The following PRKCA variants were observed in gnomAD, a reference collection of about 807,000 sequenced individuals.
The protein encoded by PRKCA is protein kinase C alpha, also known as protein kinase C alpha type.
Under a neutral mutation model 87.0 loss-of-function variants are expected in PRKCA, and 27 were observed. That is an observed-to-expected ratio of 0.31 (90% CI 0.23 to 0.43). The LOEUF is 0.43. Ranked by LOEUF, PRKCA falls within the 20% of genes least tolerant of loss-of-function variation. PRKCA has a pLI of 1.00. For synonymous variants in PRKCA, 329 were observed against 311.1 expected (o/e 1.06, Z -0.61); for missense variants, 518 against 852.3 (o/e 0.61, Z 4.88).
chr17:66,570,519 G>A (rs1969047861), intron 3 of PRKCA, among the ~76,000 whole-genome samples: 1 of 152,190 alleles, frequency 6.6e-6, no homozygotes, highest in Non-Finnish European at 1.5e-5. Context: ...GCAGCGTGTT[G>A]CTACTGTCTG....
intron 3 of PRKCA, among the ~76,000 whole-genome samples, chr17:66,524,700 T>C (rs547081109): frequency 3.0e-4 from 46 of 152,216 alleles, no homozygotes; most frequent in African/African-American, 1.1e-3. Context: ...AGCAGACAAA[T>C]CTCTGTGCTC....
rs142572671 is a variant in PRKCA, at chr17:66,319,975, C to T, written c.205+13848C>T. The stretch of plus-strand genomic sequence containing the variant: ...GCCAGGCTGGTCTTGAACACCTGAC[C>T]TCAAGTGATCTGCCACACTTCAGCC... On this transcript the variant is annotated intron_variant, in intron 2 of 16. Coordinates refer to ENST00000413366, the MANE Select transcript of PRKCA (RefSeq NM_002737.3). Among the ~76,000 whole-genome samples, 776 of 152,236 alleles carry T rather than the reference C, an allele frequency of 5.1e-3. 4 individuals carry two copies. The highest frequency in any genetic ancestry group is 7.0e-3 in the Non-Finnish European group (474 of 68,024).
intron 2 of PRKCA, among the ~76,000 whole-genome samples, chr17:66,457,065 G>A (rs1236527398): frequency 6.6e-6 from 1 of 152,182 alleles, no homozygotes; most frequent in Non-Finnish European, 1.5e-5. Flanking sequence ...TGCTTGGCAT[G>A]ATTAGGATGG....
intron 3 of PRKCA, among the ~76,000 whole-genome samples, chr17:66,569,882 A>G (rs1431489167): frequency 1.7e-4 from 26 of 152,236 alleles, no homozygotes; most frequent in Non-Finnish European, 1.5e-5. Context: ...CCTGTCAGAC[A>G]GCAATTCTTC....
At chr17:66,469,986 C>G (rs1001592564) in intron 2 of PRKCA, among the ~76,000 whole-genome samples, 2 of 151,998 alleles carry the variant, frequency 1.3e-5, no homozygotes, top group Admixed American at 6.6e-5. Flanking sequence ...GAAAGTTAAC[C>G]CTTCCAAGGG....
chr17:66,680,138 C>T lies in PRKCA; in HGVS notation c.530-6973C>T, dbSNP rs1165555229. 4.6e-5 allele frequency among the ~76,000 whole-genome samples: 7 copies of T among 152,312 alleles called. No individual in the cohort carries two copies. The East Asian group carries it at 1.2e-3, about 25-fold the overall frequency. On this transcript the variant is annotated intron_variant, in intron 5 of 16. Coordinates refer to ENST00000413366, the MANE Select transcript of PRKCA (RefSeq NM_002737.3). ...TCTTTTGACCACAGACACTAAATCT[C>T]GCCTGTTTCCAGCACTTACCTGCCC...
chr17:66,547,323 A>T (rs1369344292), intron 3 of PRKCA, among the ~76,000 whole-genome samples: 1 of 152,132 alleles, frequency 6.6e-6, no homozygotes, highest in Non-Finnish European at 1.5e-5. Flanking sequence ...GTGCCCTGCT[A>T]TGGATGACAC....
At chr17:66,436,200 G>A (rs1040501702) in intron 2 of PRKCA, among the ~76,000 whole-genome samples, 7 of 152,198 alleles carry the variant, frequency 4.6e-5, no homozygotes, top group Non-Finnish European at 8.8e-5. Context: ...TGGCATTGAT[G>A]TTGAATGAAA....
At chr17:66,625,834 C>T (rs1260681778) in intron 3 of PRKCA, among the ~76,000 whole-genome samples, 1 of 152,180 alleles carries the variant, frequency 6.6e-6, no homozygotes, top group African/African-American at 2.4e-5. Context: ...ACTTAACTAT[C>T]CATGGCTTCA....
chr17:66,611,390 T>C (rs1329627863), intron 3 of PRKCA, among the ~76,000 whole-genome samples: 1 of 152,212 alleles, frequency 6.6e-6, no homozygotes, highest in Non-Finnish European at 1.5e-5. Flanking sequence ...AATCTACTTT[T>C]TGTCTCTATG....
Position 66,371,564 on chromosome 17 carries a change from G to GT in PRKCA, c.205+65444dup, listed in dbSNP as rs565071089. 1.7e-4 allele frequency among the ~76,000 whole-genome samples: 26 copies of GT among 152,254 alleles called. No homozygotes were observed. The South Asian group carries it at 4.6e-3, about 27-fold the overall frequency. ...ATTCAGGCAAATTATTTAACTCCCA[G>GT]TTTTTTTATCTGTAACATGGGGATA... On this transcript the variant is annotated intron_variant, in intron 2 of 16. Coordinates refer to ENST00000413366, the MANE Select transcript of PRKCA (RefSeq NM_002737.3).
At chr17:66,303,650 A>C (rs1904642070) in intron 1 of PRKCA, among the ~76,000 whole-genome samples, 2 of 152,036 alleles carry the variant, frequency 1.3e-5, no homozygotes, top group African/African-American at 4.8e-5. Context: ...GAAAGCTTGC[A>C]GTGGGGGAGG....
Position 66,556,404 on chromosome 17 carries a change from A to G in PRKCA, c.288+60121A>G, listed in dbSNP as rs190980464. Among the ~76,000 whole-genome samples, 299 of 147,828 alleles carry G rather than the reference A, an allele frequency of 2.0e-3. 2 individuals are homozygous for G. Among genetic ancestry groups the G allele is most frequent in the African/African-American group, 7.4e-3 (294 of 39,720 alleles). On this transcript the variant is annotated intron_variant, in intron 3 of 16. Coordinates refer to ENST00000413366, the MANE Select transcript of PRKCA (RefSeq NM_002737.3). ...CAGCTATGCAATTTCATTTTAGTCC[A>G]TAATACATTATTTAAAGAGGTTATT...
At chr17:66,591,730 C>T (rs568573103) in intron 3 of PRKCA, among the ~76,000 whole-genome samples, 1 of 152,236 alleles carries the variant, frequency 6.6e-6, no homozygotes, top group African/African-American at 2.4e-5. Flanking sequence ...CTGTTGCCCT[C>T]GACAGCCTTG....
In PRKCA at chr17:66,805,612, A is replaced by C. The variant is rs890059408; in HGVS notation, c.*1575A>C. 5 of 152,210 alleles carry C rather than the reference A, an allele frequency of 3.3e-5. No homozygotes were observed. The highest frequency in any genetic ancestry group is 7.3e-5 in the Non-Finnish European group (5 of 68,032). The allele number at this position is 152,210 out of a possible 1,614,324, so 9.4% of individuals were successfully genotyped here. Reference sequence around the variant, plus strand: ...ATGTATTTGATTCTACCTGCAAACAAATTTTTATTGGTGAGGACTATTTTT... The same window carrying C: ...ATGTATTTGATTCTACCTGCAAACACATTTTTATTGGTGAGGACTATTTTT... On this transcript the variant is annotated 3_prime_UTR_variant, in exon 17 of 17. Coordinates refer to ENST00000413366, the MANE Select transcript of PRKCA (RefSeq NM_002737.3).
At chr17:66,775,228 C>G (rs1975020169) in intron 14 of PRKCA, 1 of 982,092 alleles carries the variant, frequency 1.0e-6, no homozygotes, top group Admixed American at 6.2e-5. Flanking sequence ...GGGTGGGGCA[C>G]TGACCCACAG....
At chr17:66,466,117 T>A (rs1915076020) in intron 2 of PRKCA, among the ~76,000 whole-genome samples, 1 of 152,244 alleles carries the variant, frequency 6.6e-6, no homozygotes, top group South Asian at 2.1e-4. Context: ...AGCTGCTGTG[T>A]GCAGAGCCCA....
intron 5 of PRKCA, among the ~76,000 whole-genome samples, chr17:66,660,867 C>A (rs1971876851): frequency 6.6e-6 from 1 of 151,982 alleles, no homozygotes; most frequent in African/African-American, 2.4e-5. Context: ...CGAGATCGCA[C>A]CACTGCACTC....
intron 2 of PRKCA, among the ~76,000 whole-genome samples, chr17:66,437,720 CTT>C (rs567333890): frequency 3.0e-5 from 1 of 32,818 alleles, no homozygotes; most frequent in Admixed American, 6.1e-4. Flanking sequence ...TTCAAGTTTC[CTT>C]TTTTTTTTTG....
Sources: allele counts gnomAD v4.1 joint callset (sites outside exome capture counted in the v4.1 genomes callset), GRCh38; gene constraint gnomAD v4.1.1; transcripts MANE v1.5; gene names NCBI Gene and HGNC (gene_info 2026-07-23, HGNC 2026-07-21).